The following CHLSN variants were observed in gnomAD, a reference collection of about 807,000 sequenced individuals.
The protein encoded by CHLSN is cholesin.
At chr7:979,400 TTA>T in the CHLSN span, among the ~76,000 whole-genome samples, 1 of 151,982 alleles carries the variant, frequency 6.6e-6, no homozygotes. Context: ...CTGTCAGACG[TTA>T]TCTTATGTGC....
chr7:1,129,689 C>T, the CHLSN span, among the ~76,000 whole-genome samples: 25 of 152,328 alleles, frequency 1.6e-4, no homozygotes, highest in Non-Finnish European at 2.6e-4. Flanking sequence ...AGCCATCCTC[C>T]GCCTCGGCCT....
chr7:979,291 G>A, the CHLSN span, among the ~76,000 whole-genome samples: 7 of 152,162 alleles, frequency 4.6e-5, no homozygotes, highest in African/African-American at 1.2e-4. Flanking sequence ...AACGGGTGGC[G>A]GAGGCTCTGC....
the CHLSN span, chr7:1,057,949 G>A: frequency 3.2e-5 from 25 of 772,812 alleles, no homozygotes; most frequent in African/African-American, 1.4e-4. Context: ...TACAACACGC[G>A]GCACGTGTGC....
At chr7:1,115,959 G>A in the CHLSN span, among the ~76,000 whole-genome samples, 34 of 109,546 alleles carry the variant, frequency 3.1e-4, 4 homozygotes, top group African/African-American at 7.5e-4. Context: ...CAAAGCCCAC[G>A]CAGGATGATG....
the CHLSN span, among the ~76,000 whole-genome samples, chr7:1,069,058 C>T: frequency 6.6e-6 from 1 of 152,172 alleles, no homozygotes; most frequent in Admixed American, 6.5e-5. Context: ...TTAGGCCGGG[C>T]GCGGTGGCTC....
the CHLSN span, among the ~76,000 whole-genome samples, chr7:1,110,638 T>G: frequency 6.6e-6 from 1 of 152,142 alleles, no homozygotes; most frequent in Non-Finnish European, 1.5e-5. Context: ...GCGGGGCCTG[T>G]GCGGCCACAG....
At chr7:1,056,861 G>A in the CHLSN span, 1 of 151,752 alleles carries the variant, frequency 6.6e-6, no homozygotes, top group African/African-American at 2.4e-5. Context: ...GTGCTTTGGC[G>A]GGGTGGGGGG....
chr7:1,042,343 CACTAG>C, the CHLSN span, among the ~76,000 whole-genome samples: 13 of 152,366 alleles, frequency 8.5e-5, no homozygotes, highest in East Asian at 2.5e-3. Context: ...CAACCATCAA[CACTAG>C]ACTAGGGTGC....
the CHLSN span, among the ~76,000 whole-genome samples, chr7:1,027,312 C>T: frequency 9.8e-5 from 15 of 152,378 alleles, no homozygotes; most frequent in Admixed American, 7.2e-4. Flanking sequence ...CCATTCCCGC[C>T]GTCTCTGCAG....
the CHLSN span, among the ~76,000 whole-genome samples, chr7:982,677 C>T: frequency 1.3e-5 from 2 of 152,234 alleles, no homozygotes; most frequent in South Asian, 4.1e-4. Flanking sequence ...ATGGGCCTCC[C>T]TGAGGTCTCA....
At chr7:1,112,318 C>T in the CHLSN span, among the ~76,000 whole-genome samples, 7 of 152,320 alleles carry the variant, frequency 4.6e-5, no homozygotes, top group East Asian at 1.2e-3. Context: ...CTGAGAAAGC[C>T]CAGCTTAGAG....
chr7:1,053,698 TC>T, the CHLSN span, among the ~76,000 whole-genome samples: 1 of 152,060 alleles, frequency 6.6e-6, no homozygotes, highest in Admixed American at 6.5e-5. Context: ...GTGGTGGCAG[TC>T]GCCTGTAATC....
the CHLSN span, among the ~76,000 whole-genome samples, chr7:1,070,719 C>T: frequency 2.7e-5 from 4 of 150,794 alleles, no homozygotes; most frequent in South Asian, 6.3e-4. Context: ...AACACGCACA[C>T]GCGCACACAT....
At chr7:1,015,108 C>T in the CHLSN span, among the ~76,000 whole-genome samples, 1 of 152,248 alleles carries the variant, frequency 6.6e-6, no homozygotes, top group East Asian at 1.9e-4. Flanking sequence ...TCTCTCCAGC[C>T]TGGGAATGAC....
the CHLSN span, among the ~76,000 whole-genome samples, chr7:1,135,682 G>A: frequency 1.0e-4 from 15 of 150,430 alleles, no homozygotes; most frequent in African/African-American, 2.2e-4. Context: ...CAGGAGAATC[G>A]TTTGAATACG....
chr7:1,092,948 A>C, the CHLSN span: 1 of 1,234,444 alleles, frequency 8.1e-7, no homozygotes, highest in Non-Finnish European at 1.2e-6. Flanking sequence ...ATGTCTCTAA[A>C]CTGCGGTCAG....
the CHLSN span, among the ~76,000 whole-genome samples, chr7:991,460 G>C: frequency 6.6e-6 from 1 of 152,140 alleles, no homozygotes; most frequent in African/African-American, 2.4e-5. Flanking sequence ...CCATGGGCGT[G>C]GGCAGGGGTG....
the CHLSN span, chr7:1,093,363 G>A: frequency 7.0e-6 from 3 of 429,798 alleles, no homozygotes; most frequent in Admixed American, 2.5e-5. Context: ...CACGGTCTGA[G>A]CTAGCTAGCG....
the CHLSN span, among the ~76,000 whole-genome samples, chr7:1,111,927 A>C: frequency 3.3e-5 from 5 of 152,196 alleles, no homozygotes; most frequent in South Asian, 8.3e-4. Context: ...TACAGACGTT[A>C]ACCACGGCGT....
Sources: allele counts gnomAD v4.1 joint callset (sites outside exome capture counted in the v4.1 genomes callset), GRCh38; gene constraint gnomAD v4.1.1; transcripts MANE v1.5; gene names NCBI Gene and HGNC (gene_info 2026-07-23, HGNC 2026-07-21).